The following CREB3L1 variants were observed in gnomAD, a reference collection of about 807,000 sequenced individuals.
CREB3L1 encodes the protein cyclic AMP-responsive element-binding protein 3-like protein 1.
CREB3L1 carries 33 observed loss-of-function variants against 54.5 expected under a neutral mutation model. The observed-to-expected ratio is 0.61, with a 90% CI of 0.46 to 0.81. The LOEUF (loss-of-function observed/expected upper bound fraction) is 0.81. CREB3L1 is among the 30% of genes least tolerant of loss of function. The pLI is 0.00. For missense variants in CREB3L1, 656 were observed against 673.3 expected, an observed-to-expected ratio of 0.97 and a Z score of 0.29; for synonymous variants, 284 against 286.4, an observed-to-expected ratio of 0.99 and a Z score of 0.08.
chr11:46,283,014 C>T (rs1939001733), intron 1 of CREB3L1, among the ~76,000 whole-genome samples: 2 of 151,616 alleles, frequency 1.3e-5, no homozygotes, highest in South Asian at 4.2e-4. Flanking sequence ...ATAGGGAGAC[C>T]TCGTCTCTAC....
chr11:46,289,693 C>T (rs1446239242), intron 1 of CREB3L1, among the ~76,000 whole-genome samples: 1 of 152,146 alleles, frequency 6.6e-6, no homozygotes, highest in Non-Finnish European at 1.5e-5. Flanking sequence ...CCATGGGGAC[C>T]ACAGCAGGTT....
chr11:46,316,389 G>A lies in CREB3L1; in HGVS notation c.1131+4G>A, dbSNP rs1383341087. 1 of 1,542,330 alleles carries A rather than the reference G, an allele frequency of 6.5e-7. No individual in the cohort carries two copies. Among genetic ancestry groups the A allele is most frequent in the South Asian group, 1.2e-5 (1 of 84,112 alleles). On this transcript the variant is annotated splice_donor_region_variant and intron_variant, in intron 9 of 11. Transcript: ENST00000621158. ...CCAGACTGGGACCTGCCTCATGGTA[G>A]GTGTGGCTCCCTCCACCACAGACCC... is the stretch of plus-strand genomic sequence containing the variant.
At chr11:46,285,312 C>G (rs994817872) in intron 1 of CREB3L1, among the ~76,000 whole-genome samples, 3 of 152,214 alleles carry the variant, frequency 2.0e-5, no homozygotes, top group Admixed American at 6.5e-5. Flanking sequence ...CTCCTGGGGG[C>G]AGGATGGAGG....
At position 46,312,603 on chromosome 11, in the gene CREB3L1, C is replaced by G; in HGVS notation, c.904-9C>G. 1 of 1,611,020 alleles carries G rather than the reference C, an allele frequency of 6.2e-7. No homozygotes were observed. Among genetic ancestry groups the G allele is most frequent in the South Asian group, 1.1e-5 (1 of 90,516 alleles). Reference sequence around the variant, plus strand: ...GTGCTAACCCTTGTTTTCGGGCCTCCCCCTCTAGATCTCAGCCCAGGAGAG... The same window carrying G: ...GTGCTAACCCTTGTTTTCGGGCCTCGCCCTCTAGATCTCAGCCCAGGAGAG... On this transcript the variant is annotated splice_polypyrimidine_tract_variant and intron_variant, in intron 6 of 11. Coordinates refer to ENST00000621158, the MANE Select transcript of CREB3L1 (RefSeq NM_052854.4).
Position 46,320,431 on chromosome 11 carries a change from C to T in CREB3L1, c.1426C>T (p.His476Tyr), listed in dbSNP as rs367930951. Residue 476 changes from histidine to tyrosine, a missense_variant, in exon 11 of 12, where the codon CAC becomes TAC. By Grantham distance (83) the His-to-Tyr change is moderately conservative (BLOSUM62 2). Transcript: ENST00000621158. ...HLQHDHLDST[H>Y]ETTKYLSEAW... The stretch of plus-strand genomic sequence containing the variant: ...GCAGCATGATCACCTGGACAGCACC[C>T]ACGAGACCACCAAGTACCTGAGTGA... 85 of 1,610,766 alleles carry T rather than the reference C, an allele frequency of 5.3e-5. No individual in the cohort carries two copies. Among genetic ancestry groups the T allele is most frequent in the Non-Finnish European group, 6.6e-5 (78 of 1,178,690 alleles).
chr11:46,298,896 T>C (rs1939250917), intron 1 of CREB3L1, among the ~76,000 whole-genome samples: 1 of 152,176 alleles, frequency 6.6e-6, no homozygotes, highest in African/African-American at 2.4e-5. Flanking sequence ...TGTTTAATCC[T>C]CATGACAATC....
chr11:46,280,482 G>A (rs947371033), intron 1 of CREB3L1, among the ~76,000 whole-genome samples: 1 of 152,072 alleles, frequency 6.6e-6, no homozygotes, highest in Non-Finnish European at 1.5e-5. Flanking sequence ...GAGCCACTGC[G>A]CCCGGCCAAA....
In CREB3L1 at chr11:46,317,364, G is replaced by A; in HGVS notation, c.1135G>A (p.Ala379Thr). The change falls in exon 10 of 12, where the codon GCA becomes ACA. Residue 379 changes from alanine to threonine, a missense_variant. Physicochemically the swap from Ala to Thr is moderately conservative, Grantham distance 58. Around this residue, in one of 3 missense-constraint regions of CREB3L1, gnomAD observed 240 missense variants for 219.8 expected, o/e 1.09. Coordinates refer to ENST00000621158, the MANE Select transcript of CREB3L1 (RefSeq NM_052854.4). ...ATQTGTCLMV[A>T]ALCFVLVLGS... The stretch of plus-strand genomic sequence containing the variant: ...GCCACTCTCTCTTTGCTACCAGGTG[G>A]CAGCCTTGTGCTTTGTTCTGGTGCT... 1 of 1,613,900 alleles carries A rather than the reference G, an allele frequency of 6.2e-7. No homozygotes were observed. The highest frequency in any genetic ancestry group is 8.5e-7 in the Non-Finnish European group (1 of 1,179,852).
At chr11:46,315,184 A>G in intron 8 of CREB3L1, 1 of 337,368 alleles carries the variant, frequency 3.0e-6, no homozygotes, top group Non-Finnish European at 6.0e-6. Flanking sequence ...CTCCAGCGGG[A>G]TCCAGCCACT....
chr11:46,320,318 G>A lies in CREB3L1; in HGVS notation c.1313G>A (p.Gly438Asp), dbSNP rs1664197651. ...YDDGAGLWED[G>D]RSTLLPMEPP... ...GACGGGGCAGGCTTATGGGAAGATG[G>A]CCGCAGCACCCTGCTGCCCATGGAG... Residue 438 changes from glycine to aspartate, a missense_variant, in exon 11 of 12, where the codon GGC becomes GAC. Around this residue, in one of 3 missense-constraint regions of CREB3L1, gnomAD observed 240 missense variants for 219.8 expected, o/e 1.09. Coordinates refer to ENST00000621158, the MANE Select transcript of CREB3L1 (RefSeq NM_052854.4). 1 of 1,612,866 alleles carries A rather than the reference G, an allele frequency of 6.2e-7. No homozygotes were observed. The highest frequency in any genetic ancestry group is 1.3e-5 in the African/African-American group (1 of 75,006).
chr11:46,281,045 AC>A (rs1161365650), intron 1 of CREB3L1, among the ~76,000 whole-genome samples: 3 of 152,240 alleles, frequency 2.0e-5, no homozygotes, highest in Non-Finnish European at 2.9e-5. Flanking sequence ...GAGTGAGTAC[AC>A]AAAGTCAAGA....
At chr11:46,283,515 A>G (rs191962428) in intron 1 of CREB3L1, among the ~76,000 whole-genome samples, 12 of 152,270 alleles carry the variant, frequency 7.9e-5, no homozygotes, top group African/African-American at 2.9e-4. Flanking sequence ...TATTTCAAGG[A>G]CTTACTATAT....
In CREB3L1 at chr11:46,320,302, G is replaced by A; in HGVS notation, c.1297G>A (p.Gly433Ser). 1.2e-6 allele frequency: 2 copies of A among 1,612,850 alleles called. No individual in the cohort carries two copies. The highest frequency in any genetic ancestry group is 1.1e-5 in the South Asian group (1 of 90,862). Reference sequence around the variant, plus strand: ...CCTCCTATTCTACGATGACGGGGCAGGCTTATGGGAAGATGGCCGCAGCAC... The same window carrying A: ...CCTCCTATTCTACGATGACGGGGCAAGCTTATGGGAAGATGGCCGCAGCAC... ...RSLLFYDDGA[G>S]LWEDGRSTLL... is the part of the protein sequence containing the mutation. Residue 433 changes from glycine to serine, a missense_variant, in exon 11 of 12, where the codon GGC becomes AGC. Gly to Ser is a moderately conservative substitution (Grantham distance 56). Around this residue, in one of 3 missense-constraint regions of CREB3L1, gnomAD observed 240 missense variants for 219.8 expected, o/e 1.09. Coordinates refer to ENST00000621158, the MANE Select transcript of CREB3L1 (RefSeq NM_052854.4).
chr11:46,289,144 G>A (rs1363043595), intron 1 of CREB3L1, among the ~76,000 whole-genome samples: 1 of 152,208 alleles, frequency 6.6e-6, no homozygotes, highest in East Asian at 1.9e-4. Flanking sequence ...TTGGGAGGCT[G>A]AGGCAGGCGG....
chr11:46,294,886 G>A (rs1371722417), intron 1 of CREB3L1, among the ~76,000 whole-genome samples: 1 of 151,392 alleles, frequency 6.6e-6, no homozygotes, highest in Non-Finnish European at 1.5e-5. Flanking sequence ...CCTGCGGGGG[G>A]AAAGAAAGGG....
Position 46,307,153 on chromosome 11 carries a change from C to G in CREB3L1, c.332-663C>G, listed in dbSNP as rs148755999. ...CTTGGCCTGTCAAAGAACTGGAGTA[C>G]AGGCATGAGCCACTGCACCTGGCCG... On this transcript the variant is annotated intron_variant, in intron 2 of 11. Transcript: ENST00000621158. Among the ~76,000 whole-genome samples, 25 of 152,214 alleles carry G rather than the reference C, an allele frequency of 1.6e-4. No homozygotes were observed. The East Asian group carries it at 2.1e-3, about 13-fold the overall frequency.
At chr11:46,302,542 A>G (rs766967098) in intron 2 of CREB3L1, among the ~76,000 whole-genome samples, 10 of 152,204 alleles carry the variant, frequency 6.6e-5, no homozygotes, top group Non-Finnish European at 1.3e-4. Context: ...CTTAGTATCT[A>G]TATCTACAAA....
At chr11:46,301,110 G>A (rs1051358550) in intron 2 of CREB3L1, among the ~76,000 whole-genome samples, 5 of 151,262 alleles carry the variant, frequency 3.3e-5, no homozygotes, top group Admixed American at 6.6e-5. Flanking sequence ...AACCCAGCAG[G>A]CGGAGGTTGC....
chr11:46,305,630 ATATATATACATATATAT>A (rs1939375581), intron 2 of CREB3L1, among the ~76,000 whole-genome samples: 2 of 93,668 alleles, frequency 2.1e-5, no homozygotes, highest in African/African-American at 9.7e-5. Context: ...ATATATATGT[ATATATATACATATATAT>A]GTGTGTATAT....
Sources: gnomAD v4.1 joint callset for allele counts (sites outside exome capture counted in the v4.1 genomes callset) on GRCh38, gnomAD v4.1.1 for gene constraint, gnomAD v4.1.1 regional missense constraint, MANE v1.5 for transcripts, NCBI Gene and HGNC (gene_info 2026-07-23, HGNC 2026-07-21) for gene names.